Variants in RHCE observed in about 807,000 individuals in gnomAD.
The protein encoded by RHCE is Rh blood group CcEe antigens.
In RHCE, 22 loss-of-function variants were observed where a neutral mutation model predicts 43.8. That is an observed-to-expected ratio of 0.50 (90% CI 0.36 to 0.72). The LOEUF is 0.72. Among genes scored for constraint, RHCE ranks in the 30% least tolerant of loss-of-function variants. The pLI, the probability that RHCE is intolerant of heterozygous loss-of-function variation, is 0.00. For missense variants in RHCE, 385 were observed against 525.4 expected, an observed-to-expected ratio of 0.73 and a Z score of 2.61; for synonymous variants, 156 against 210.7, an observed-to-expected ratio of 0.74 and a Z score of 2.25.
At chr1:25,425,697 G>C (rs1223605979), upstream of RHCE, among the ~76,000 whole-genome samples, 1 of 152,172 alleles carries the variant, frequency 6.6e-6, no homozygotes, top group Non-Finnish European at 1.5e-5. Flanking sequence ...CAGGTGTGGT[G>C]AATCAAGCCA....
intron 7 of RHCE, among the ~76,000 whole-genome samples, chr1:25,375,891 C>T (rs1203783710): frequency 2.7e-5 from 4 of 146,194 alleles, no homozygotes; most frequent in African/African-American, 7.7e-5. Context: ...CTCTGTCCCC[C>T]AGGTTCAAGC....
At chr1:25,428,620 GA>G (rs1360516975) in intron 2 of RHCE, among the ~76,000 whole-genome samples, 4 of 152,232 alleles carry the variant, frequency 2.6e-5, no homozygotes, top group African/African-American at 9.6e-5. Context: ...GTCTGGCTCT[GA>G]AGGCTCATTG....
intron 7 of RHCE, among the ~76,000 whole-genome samples, chr1:25,381,692 AG>A (rs1462361182): frequency 6.6e-6 from 1 of 151,660 alleles, no homozygotes; most frequent in African/African-American, 2.4e-5. Flanking sequence ...TCCTGACCTC[AG>A]GTGATCCACC....
At chr1:25,368,079 C>A (rs903813058) in intron 9 of RHCE, among the ~76,000 whole-genome samples, 11 of 150,898 alleles carry the variant, frequency 7.3e-5, no homozygotes, top group Non-Finnish European at 1.6e-4. Flanking sequence ...TTCAAAGGAG[C>A]AGGAGGAAGT....
At chr1:25,430,154 G>T (rs1251831431) in exon 1 of RHCE, 1 of 151,954 alleles carries the variant, frequency 6.6e-6, no homozygotes, top group Non-Finnish European at 1.5e-5. Flanking sequence ...GCCTGTGGAC[G>T]TGGAGCCCGG....
intron 6 of RHCE, among the ~76,000 whole-genome samples, chr1:25,387,622 CCA>C (rs1299214320): frequency 1.3e-5 from 2 of 152,012 alleles, no homozygotes; most frequent in Non-Finnish European, 2.9e-5. Flanking sequence ...GGTTTCAAAG[CCA>C]GAGGAGATAA....
In RHCE at chr1:25,403,893, C is replaced by A. The variant is rs139280083; in HGVS notation, c.336-1147G>T. 1.3e-4 allele frequency among the ~76,000 whole-genome samples: 19 copies of A among 150,232 alleles called. 1 individual carries two copies. In the South Asian group the frequency reaches 3.9e-3, roughly 31 times the overall value. ...TAAATTTTAACCCTATAAGGCTGGG[C>A]GCAGTGGCTCATGCCTGTACTCCCA... On this transcript the variant is annotated intron_variant, in intron 2 of 9. Coordinates refer to ENST00000294413, the MANE Select transcript of RHCE (RefSeq NM_020485.8).
At chr1:25,381,169 G>A (rs1325402069) in intron 7 of RHCE, among the ~76,000 whole-genome samples, 2 of 151,990 alleles carry the variant, frequency 1.3e-5, no homozygotes, top group African/African-American at 2.4e-5. Context: ...GGTGACCTAC[G>A]GATTTTCTGC....
intron 3 of RHCE, among the ~76,000 whole-genome samples, chr1:25,402,206 G>GCCTA (rs1553159012): frequency 2.3e-5 from 3 of 130,384 alleles, no homozygotes; most frequent in Non-Finnish European, 4.9e-5. Context: ...CTGTCTGTCT[G>GCCTA]TCTATCTATC....
upstream of RHCE, among the ~76,000 whole-genome samples, chr1:25,422,199 A>T (rs1353332628): frequency 2.0e-5 from 3 of 152,216 alleles, no homozygotes; most frequent in Non-Finnish European, 4.4e-5. Flanking sequence ...ACTGAGACTA[A>T]CCTAAATGTC....
intron 1 of RHCE, among the ~76,000 whole-genome samples, chr1:25,416,771 C>T (rs1249853972): frequency 6.6e-6 from 1 of 150,460 alleles, no homozygotes; most frequent in African/African-American, 2.5e-5. Context: ...CATGTGCCAC[C>T]ACACTGGGTT....
chr1:25,417,480 A>G (rs1647647586), intron 1 of RHCE, among the ~76,000 whole-genome samples: 1 of 152,212 alleles, frequency 6.6e-6, no homozygotes, highest in South Asian at 2.1e-4. Flanking sequence ...CTCCTTGTAC[A>G]AGCTGTCAGT....
At chr1:25,394,074 C>T (rs1323854702) in intron 3 of RHCE, among the ~76,000 whole-genome samples, 2 of 152,162 alleles carry the variant, frequency 1.3e-5, no homozygotes, top group African/African-American at 4.8e-5. Flanking sequence ...CTGCAAACTT[C>T]ACCCACTGGG....
At position 25,373,993 on chromosome 1, in the gene RHCE, GT is replaced by G. The variant is rs1433367951; in HGVS notation, c.1153+1355del. Among the ~76,000 whole-genome samples, 6 of 141,626 alleles carry G rather than the reference GT, an allele frequency of 4.2e-5. 1 individual carries two copies. The highest frequency in any genetic ancestry group is 1.3e-4 in the African/African-American group (5 of 37,468). The allele number at this position is 141,626 out of a possible 152,430, so 92.9% of individuals were successfully genotyped here. A position where few individuals can be genotyped will look rare whatever the true frequency, so the allele number is the denominator to read the frequency against. ...ACACCACCACGCCTGGCTAATTTTT[GT>G]ATTTCTGGCAGAGACAGGGTTTTCC... On this transcript the variant is annotated intron_variant, in intron 8 of 9. Transcript: ENST00000294413.
At chr1:25,370,936 T>TTTA (rs1239628986) in intron 8 of RHCE, among the ~76,000 whole-genome samples, 2 of 147,482 alleles carry the variant, frequency 1.4e-5, no homozygotes, top group Admixed American at 1.4e-4. Context: ...TTTTTTTTTT[T>TTTA]AGTAGGATGG....
chr1:25,416,215 T>C (rs1289035772), intron 1 of RHCE, among the ~76,000 whole-genome samples: 1 of 152,146 alleles, frequency 6.6e-6, no homozygotes, highest in Non-Finnish European at 1.5e-5. Flanking sequence ...CATTTCTCTA[T>C]ATTCTTCATG....
chr1:25,380,474 C>T (rs1264766684), intron 7 of RHCE, among the ~76,000 whole-genome samples: 1 of 151,950 alleles, frequency 6.6e-6, no homozygotes, highest in Admixed American at 6.6e-5. Flanking sequence ...GCGGTGGCCC[C>T]ACCCTTGTAG....
At chr1:25,409,841 T>C (rs919206069) in intron 1 of RHCE, among the ~76,000 whole-genome samples, 1 of 151,616 alleles carries the variant, frequency 6.6e-6, no homozygotes, top group East Asian at 1.9e-4. Context: ...TTTACAGATA[T>C]GAAAACCAAG....
At chr1:25,428,168 C>G (rs2042818887) in intron 2 of RHCE, among the ~76,000 whole-genome samples, 1 of 152,172 alleles carries the variant, frequency 6.6e-6, no homozygotes, top group Non-Finnish European at 1.5e-5. Flanking sequence ...GCATGTGTCC[C>G]CAGTGCCTCT....
Sources: gnomAD v4.1 joint callset for allele counts (sites outside exome capture counted in the v4.1 genomes callset) on GRCh38, gnomAD v4.1.1 for gene constraint, MANE v1.5 for transcripts, NCBI Gene and HGNC (gene_info 2026-07-23, HGNC 2026-07-21) for gene names.